The following PCDHGB1 variants were observed in gnomAD, a reference collection of about 807,000 sequenced individuals.
PCDHGB1 encodes protocadherin gamma subfamily B, 1.
A neutral mutation model predicts 56.6 loss-of-function variants in PCDHGB1; 34 were observed. The observed-to-expected ratio is 0.60, with a 90% confidence interval of 0.46 to 0.80. The LOEUF is 0.80. Among genes scored for constraint, PCDHGB1 ranks in the 30% least tolerant of loss-of-function variants. The pLI, the probability that PCDHGB1 is intolerant of heterozygous loss-of-function variation, is 0.00. For missense variants in PCDHGB1, 1,278 were observed against 1,204.6 expected, an observed-to-expected ratio of 1.06 and a Z score of -0.90; for synonymous variants, 561 against 505.9, an observed-to-expected ratio of 1.11 and a Z score of -1.46.
In PCDHGB1 at chr5:141,422,911, G is replaced by C. The variant is rs375046528; in HGVS notation, c.2409+70242G>C. ...GCTGGACCAGAACGACAATGCGCCC[G>C]AGATCCTGTACCCTGCCCTCCCCAC... On this transcript the variant is annotated intron_variant, in intron 1 of 3. Transcript: ENST00000523390. 41 of 1,614,236 alleles carry C rather than the reference G, an allele frequency of 2.5e-5. No individual in the cohort carries two copies. Among genetic ancestry groups the C allele is most frequent in the Non-Finnish European group, 3.2e-5 (38 of 1,180,046 alleles).
chr5:141,487,822 G>C lies in PCDHGB1; in HGVS notation c.2410-6985G>C. On this transcript the variant is annotated intron_variant, in intron 1 of 3. Coordinates refer to ENST00000523390, the MANE Select transcript of PCDHGB1 (RefSeq NM_018922.3). The surrounding 1 kb of genome is among the most constrained non-coding windows in gnomAD (Gnocchi z 5.0). ...TGTCACAGTTTAGCATTGGGGGCGGGTCATGCCTATATCTGAGTAAGAAAT... is the reference window on the plus strand; with the variant it reads ...TGTCACAGTTTAGCATTGGGGGCGGCTCATGCCTATATCTGAGTAAGAAAT... 1 of 1,278,758 alleles carries C rather than the reference G, an allele frequency of 7.8e-7. No individual in the cohort carries two copies. The highest frequency in any genetic ancestry group is 1.4e-5 in the South Asian group (1 of 69,172). The allele number at this position is 1,278,758 out of a possible 1,614,324, so 79.2% of individuals were successfully genotyped here. A position where few individuals can be genotyped will look rare whatever the true frequency, so the allele number is the denominator to read the frequency against.
At chr5:141,430,782 G>A (rs1220976669) in intron 1 of PCDHGB1, 2 of 1,510,858 alleles carry the variant, frequency 1.3e-6, no homozygotes, top group Non-Finnish European at 1.8e-6. Flanking sequence ...CGACTGCACC[G>A]GGACTACAAA....
rs377367120 is a variant in PCDHGB1, at chr5:141,431,614, C to A, written c.2410-63193C>A. On this transcript the variant is annotated intron_variant, in intron 1 of 3. Transcript: ENST00000523390. The surrounding 1 kb of genome is among the most constrained non-coding windows in gnomAD (Gnocchi z 4.8). ...TGAGGTATTCCTTCCGGTATGTGGA[C>A]GACAAGGCGGCCCAAGTTTTCAAAC... The A allele has an allele frequency of 8.7e-6, 14 of 1,614,206 alleles. No individual in the cohort carries two copies. In the African/African-American group the frequency reaches 1.6e-4, roughly 18 times the overall value.
intron 1 of PCDHGB1, among the ~76,000 whole-genome samples, chr5:141,429,545 G>T (rs1200824675): frequency 6.6e-6 from 1 of 151,844 alleles, no homozygotes; most frequent in East Asian, 1.9e-4. Context: ...TAAGAACATG[G>T]TAATGATTTG....
chr5:141,372,472 T>C (rs1768797135), intron 1 of PCDHGB1: 8 of 1,614,034 alleles, frequency 5.0e-6, no homozygotes, highest in African/African-American at 1.3e-5. Flanking sequence ...TTTCACCTAG[T>C]AGTGGCGTTG....
At chr5:141,455,506 G>T (rs1307993951) in intron 1 of PCDHGB1, among the ~76,000 whole-genome samples, 1 of 152,152 alleles carries the variant, frequency 6.6e-6, no homozygotes, top group African/African-American at 2.4e-5. Flanking sequence ...ATTTGCATAG[G>T]GCTCAGGGGA....
intron 1 of PCDHGB1, among the ~76,000 whole-genome samples, chr5:141,354,170 CTA>C (rs1759484226): frequency 6.6e-6 from 1 of 152,180 alleles, no homozygotes; most frequent in African/African-American, 2.4e-5. Context: ...AATCACTAAA[CTA>C]TTATCTGCAC....
At chr5:141,389,304 GCTT>G (rs762969573) in intron 1 of PCDHGB1, 2 of 1,614,006 alleles carry the variant, frequency 1.2e-6, no homozygotes, top group Non-Finnish European at 1.7e-6. Context: ...ACAAGTCAGG[GCTT>G]CTGATCCGGA....
intron 1 of PCDHGB1, chr5:141,408,627 T>A: frequency 6.2e-7 from 1 of 1,613,916 alleles, no homozygotes; most frequent in Admixed American, 1.7e-5. Flanking sequence ...CATTTAGAAA[T>A]TTTCGAATCT....
intron 1 of PCDHGB1, among the ~76,000 whole-genome samples, chr5:141,438,216 T>A (rs2097938802): frequency 6.6e-6 from 1 of 152,158 alleles, no homozygotes; most frequent in Non-Finnish European, 1.5e-5. Flanking sequence ...TGGGAAGGGC[T>A]CTGGTTCAGG....
chr5:141,384,221 AG>A, intron 1 of PCDHGB1: 1 of 1,613,936 alleles, frequency 6.2e-7, no homozygotes. Flanking sequence ...ATATTCATGC[AG>A]GTGGCAGACA....
rs1307889557 is a variant in PCDHGB1, at chr5:141,486,267, C to G, written c.2410-8540C>G. On this transcript the variant is annotated intron_variant, in intron 1 of 3. Transcript: ENST00000523390. The surrounding 1 kb of genome is among the most constrained non-coding windows in gnomAD (Gnocchi z 5.0). ...GGAACCCTCCCCGAGAGTGCAGAAC[C>G]TGGCACTGTGGTGGCACTTATCAGT... 1 of 1,614,128 alleles carries G rather than the reference C, an allele frequency of 6.2e-7. No homozygotes were observed. Among genetic ancestry groups the G allele is most frequent in the South Asian group, 1.1e-5 (1 of 91,072 alleles).
At chr5:141,393,491 G>C in intron 1 of PCDHGB1, 1 of 1,614,026 alleles carries the variant, frequency 6.2e-7, no homozygotes, top group Non-Finnish European at 8.5e-7. Flanking sequence ...CTAGCACAGT[G>C]CGCATCCACG....
In PCDHGB1 at chr5:141,432,770, G is replaced by A. The variant is rs930442281; in HGVS notation, c.2410-62037G>A. The A allele has an allele frequency of 6.2e-7, 1 of 1,614,128 alleles. No individual in the cohort carries two copies. On this transcript the variant is annotated intron_variant, in intron 1 of 3. Coordinates refer to ENST00000523390, the MANE Select transcript of PCDHGB1 (RefSeq NM_018922.3). This position sits in a 1 kb window ranked among gnomAD's most constrained non-coding sequence, Gnocchi z 6.0. ...GGCCGTGGCCGACAGCATCCCCCAAGTCCTGGCGGACCTCGGCAGCCTCGA... is the reference window on the plus strand; with the variant it reads ...GGCCGTGGCCGACAGCATCCCCCAAATCCTGGCGGACCTCGGCAGCCTCGA...
intron 1 of PCDHGB1, chr5:141,388,455 T>C: frequency 6.2e-7 from 1 of 1,613,784 alleles, no homozygotes; most frequent in South Asian, 1.1e-5. Flanking sequence ...TGGCAGTAAA[T>C]ACCCTGAGAT....
chr5:141,397,695 C>T lies in PCDHGB1; in HGVS notation c.2409+45026C>T, dbSNP rs146807025. ...AATGTATGCAGGTTTGTATAAAAAC[C>T]CAACGTGATATTTCTAACAATTTGG... On this transcript the variant is annotated intron_variant, in intron 1 of 3. Coordinates refer to ENST00000523390, the MANE Select transcript of PCDHGB1 (RefSeq NM_018922.3). 1.4e-3 allele frequency among the ~76,000 whole-genome samples: 211 copies of T among 152,210 alleles called. 1 individual carries two copies. Among genetic ancestry groups the T allele is most frequent in the African/African-American group, 4.7e-3 (197 of 41,534 alleles).
chr5:141,393,720 A>G (rs371093729), intron 1 of PCDHGB1: 2 of 1,613,770 alleles, frequency 1.2e-6, no homozygotes, highest in African/African-American at 1.3e-5. Context: ...GGAAATATCA[A>G]TAGCAAAAAG....
chr5:141,356,954 G>A, intron 1 of PCDHGB1: 1 of 1,614,216 alleles, frequency 6.2e-7, no homozygotes, highest in Non-Finnish European at 8.5e-7. Flanking sequence ...GCAGATTCCG[G>A]CTACCTGGTG....
chr5:141,350,921 G>C lies in PCDHGB1; in HGVS notation c.661G>C (p.Gly221Arg). The change falls in exon 1 of 4, where the codon GGC (glycine) becomes CGC (arginine). Residue 221 changes from glycine (G) to arginine (R), a missense_variant. By Grantham distance (125) the Gly-to-Arg change is moderately radical. Coordinates refer to ENST00000523390, the MANE Select transcript of PCDHGB1 (RefSeq NM_018922.3). ...AMDGGDPPLS[G>R]TTHIWIRVTD... The stretch of plus-strand genomic sequence containing the variant: ...GGATGGCGGGGACCCGCCTCTAAGC[G>C]GCACCACCCATATCTGGATCCGAGT... 3 of 1,614,062 alleles carry C rather than the reference G, an allele frequency of 1.9e-6. No individual in the cohort carries two copies. Among genetic ancestry groups the C allele is most frequent in the South Asian group, 1.1e-5 (1 of 91,090 alleles).
Sources: allele counts gnomAD v4.1 joint callset (sites outside exome capture counted in the v4.1 genomes callset), GRCh38; gene constraint gnomAD v4.1.1; non-coding constraint Gnocchi (gnomAD v3.1); transcripts MANE v1.5; gene names NCBI Gene and HGNC (gene_info 2026-07-23, HGNC 2026-07-21).